COL23A1: variants seen among roughly 807,000 people sequenced by gnomAD.
The protein encoded by COL23A1 is collagen alpha-1(XXIII) chain.
COL23A1 carries 97 observed loss-of-function variants against 99.3 expected under a neutral mutation model. That is an observed-to-expected ratio of 0.98 (90% CI 0.83 to 1.16). The LOEUF (loss-of-function observed/expected upper bound fraction) is 1.16, where lower values mean the gene tolerates loss of function less well. COL23A1 is among the 50% of genes most tolerant of loss of function. COL23A1 has a pLI of 0.00. For synonymous variants in COL23A1, 320 were observed against 308.2 expected (o/e 1.04, Z -0.40); for missense variants, 762 against 757.4 (o/e 1.01, Z -0.07).
intron 18 of COL23A1, among the ~76,000 whole-genome samples, chr5:178,249,744 TCTCTCTC>T (rs1270775547): frequency 3.2e-5 from 4 of 123,806 alleles, no homozygotes; most frequent in Non-Finnish European, 7.1e-5. Context: ...TCTCTCTCTC[TCTCTCTC>T]GAATTGGGGC....
intron 5 of COL23A1, among the ~76,000 whole-genome samples, chr5:178,283,131 C>T (rs1449863743): frequency 6.6e-6 from 1 of 152,160 alleles, no homozygotes; most frequent in Non-Finnish European, 1.5e-5. Context: ...AGTGATCCAT[C>T]CGCCTTGGCC....
At chr5:178,314,806 T>C (rs2913777) in intron 2 of COL23A1, among the ~76,000 whole-genome samples, 76,015 of 151,932 alleles carry the variant, frequency 0.5, 20,533 homozygotes, top group Non-Finnish European at 0.62. Context: ...CACAGGGAGG[T>C]TAATGGGCTT....
intron 2 of COL23A1, among the ~76,000 whole-genome samples, chr5:178,352,617 G>T (rs1037725477): frequency 6.6e-6 from 1 of 152,206 alleles, no homozygotes; most frequent in African/African-American, 2.4e-5. Flanking sequence ...CTCCAGAGAG[G>T]AATGCTGCAC....
At position 178,306,535 on chromosome 5, in the gene COL23A1, C is replaced by A. The variant is rs1240349870; in HGVS notation, c.406+340G>T. Among the ~76,000 whole-genome samples the A allele has an allele frequency of 6.6e-6, 1 of 150,728 alleles. No individual in the cohort carries two copies. The highest frequency in any genetic ancestry group is 2.0e-4 in the East Asian group (1 of 5,096). ...AGGAGAACCCGGTTGTGCTGAAGGA[C>A]CCATGGGGGAGGGTGTGGCTGGCGG... On this transcript the variant is annotated intron_variant, in intron 3 of 28. Transcript: ENST00000390654. The surrounding 1 kb of genome is among the most constrained non-coding windows in gnomAD (Gnocchi z 4.1).
chr5:178,462,849 G>C (rs538970669), intron 2 of COL23A1, among the ~76,000 whole-genome samples: 8 of 152,324 alleles, frequency 5.3e-5, no homozygotes, highest in East Asian at 1.9e-4. Context: ...TCCGTCTTCA[G>C]AGCTGGAGCC....
chr5:178,249,716 A>ACTCACTCTCT (rs1554125190), intron 18 of COL23A1, among the ~76,000 whole-genome samples: 69 of 92,796 alleles, frequency 7.4e-4, no homozygotes, highest in South Asian at 3.8e-3. Flanking sequence ...ACACACACAC[A>ACTCACTCTCT]CTCTCTCTCT....
At chr5:178,398,756 T>C (rs1376679575) in intron 2 of COL23A1, among the ~76,000 whole-genome samples, 1 of 152,260 alleles carries the variant, frequency 6.6e-6, no homozygotes, top group Non-Finnish European at 1.5e-5. Flanking sequence ...CTATTTATTA[T>C]GAAATTAAAA....
rs367903707 is a variant in COL23A1 at position 178,245,441 on chromosome 5, C to T, written c.1440+501G>A. 6.0e-5 allele frequency among the ~76,000 whole-genome samples: 9 copies of T among 150,746 alleles called. No homozygotes were observed. The East Asian group carries it at 1.4e-3, about 23-fold the overall frequency. On this transcript the variant is annotated intron_variant, in intron 25 of 28. Coordinates refer to ENST00000390654, the MANE Select transcript of COL23A1 (RefSeq NM_173465.4). ...TTCAATCCTCCATCCATTCATCCATCATTCTTCCATTATCCATCCACCCAC... is the reference window on the plus strand; with the variant it reads ...TTCAATCCTCCATCCATTCATCCATTATTCTTCCATTATCCATCCACCCAC...
chr5:178,477,215 A>C (rs762923460), intron 2 of COL23A1, among the ~76,000 whole-genome samples: 9 of 152,192 alleles, frequency 5.9e-5, no homozygotes, highest in Non-Finnish European at 1.2e-4. Context: ...GGTTGTTTTC[A>C]GGGCAACCCA....
chr5:178,484,218 C>G (rs1757489492), intron 2 of COL23A1, among the ~76,000 whole-genome samples: 1 of 152,118 alleles, frequency 6.6e-6, no homozygotes, highest in South Asian at 2.1e-4. Flanking sequence ...GCCACCACGC[C>G]CAACCAAGAT....
At chr5:178,492,440 C>T (rs1449748802) in intron 2 of COL23A1, among the ~76,000 whole-genome samples, 1 of 152,054 alleles carries the variant, frequency 6.6e-6, no homozygotes, top group African/African-American at 2.4e-5. Context: ...AGGAGAGAGG[C>T]CTCAAAATGA....
chr5:178,582,760 G>A (rs1328176197), intron 1 of COL23A1, among the ~76,000 whole-genome samples: 2 of 152,174 alleles, frequency 1.3e-5, no homozygotes, highest in Non-Finnish European at 2.9e-5. Context: ...AGGTCCCGAG[G>A]ACTTGGGGTA....
At chr5:178,259,173 G>T (rs1322512167) in intron 12 of COL23A1, among the ~76,000 whole-genome samples, 1 of 152,084 alleles carries the variant, frequency 6.6e-6, no homozygotes, top group African/African-American at 2.4e-5. Flanking sequence ...CTTCTGTCTT[G>T]GCCCCCTAAA....
chr5:178,481,961 T>C (rs912524460), intron 2 of COL23A1, among the ~76,000 whole-genome samples: 1 of 151,096 alleles, frequency 6.6e-6, no homozygotes, highest in East Asian at 1.9e-4. Flanking sequence ...ACATGGCACA[T>C]GTATACATAT....
intron 3 of COL23A1, among the ~76,000 whole-genome samples, chr5:178,293,125 G>T (rs777146690): frequency 6.6e-6 from 1 of 152,134 alleles, no homozygotes; most frequent in Non-Finnish European, 1.5e-5. Context: ...ATGAACAGTT[G>T]CTTTGTGGGA....
In COL23A1 at chr5:178,332,349, G is replaced by A. The variant is rs183239371; in HGVS notation, c.362-25430C>T. Among the ~76,000 whole-genome samples the A allele has an allele frequency of 1.2e-4, 19 of 152,274 alleles. No individual in the cohort carries two copies. In the East Asian group the frequency reaches 3.5e-3, roughly 28 times the overall value. ...AGGTGTCTCAGTGAGATTCGGACTC[G>A]GCAGAATTGGGTGGGGACAGAGCAT... On this transcript the variant is annotated intron_variant, in intron 2 of 28. Coordinates refer to ENST00000390654, the MANE Select transcript of COL23A1 (RefSeq NM_173465.4).
Position 178,366,603 on chromosome 5 carries a change from G to A in COL23A1, c.362-59684C>T, listed in dbSNP as rs1272638243. Among the ~76,000 whole-genome samples, 2 of 152,110 alleles carry A rather than the reference G, an allele frequency of 1.3e-5. No homozygotes were observed. The highest frequency in any genetic ancestry group is 2.4e-5 in the African/African-American group (1 of 41,434). ...AATGTGTCGGTGATCACTGTGACTA[G>A]AACAAGTCCTCGTGTCTCTCTATGT... On this transcript the variant is annotated intron_variant, in intron 2 of 28. Transcript: ENST00000390654. The surrounding 1 kb of genome is among the most constrained non-coding windows in gnomAD (Gnocchi z 4.4).
intron 1 of COL23A1, among the ~76,000 whole-genome samples, chr5:178,569,198 T>G (rs1184211845): frequency 6.6e-6 from 1 of 152,264 alleles, no homozygotes. Context: ...ATATCCTGTT[T>G]GAAGAAATGT....
chr5:178,404,004 T>C (rs867464104), intron 2 of COL23A1, among the ~76,000 whole-genome samples: 15 of 152,278 alleles, frequency 9.9e-5, no homozygotes, highest in Middle Eastern at 3.4e-3. Flanking sequence ...TGGCCTTTGG[T>C]GAGATTCCCG....
Sources: gnomAD v4.1 joint callset for allele counts (sites outside exome capture counted in the v4.1 genomes callset) on GRCh38, gnomAD v4.1.1 for gene constraint, Gnocchi (gnomAD v3.1) non-coding constraint, MANE v1.5 for transcripts, NCBI Gene and HGNC (gene_info 2026-07-23, HGNC 2026-07-21) for gene names.